Variants in SRRM3 observed in about 807,000 individuals in gnomAD.
SRRM3 encodes serine/arginine repetitive matrix protein 3.
Under a neutral mutation model 66.2 loss-of-function variants are expected in SRRM3, and 27 were observed. That is an observed-to-expected ratio of 0.41 (90% CI 0.30 to 0.56). The LOEUF (loss-of-function observed/expected upper bound fraction) is 0.56. Among genes scored for constraint, SRRM3 ranks in the 20% least tolerant of loss-of-function variants. The pLI is 0.32. For synonymous variants in SRRM3, 391 were observed against 414.9 expected (o/e 0.94, Z 0.70); for missense variants, 918 against 991.9 (o/e 0.93, Z 1.00).
intron 1 of SRRM3, among the ~76,000 whole-genome samples, chr7:76,228,753 C>T (rs1800941992): frequency 6.6e-6 from 1 of 152,024 alleles, no homozygotes; most frequent in African/African-American, 2.4e-5. Context: ...AAATCTGTGT[C>T]TTAACAAGTC....
chr7:76,232,999 C>G (rs537074478), intron 1 of SRRM3, among the ~76,000 whole-genome samples: 3 of 151,552 alleles, frequency 2.0e-5, no homozygotes, highest in Non-Finnish European at 4.4e-5. Flanking sequence ...TAAATGTGAG[C>G]GATGTTGAGA....
At chr7:76,210,656 G>C (rs915132476) in intron 1 of SRRM3, among the ~76,000 whole-genome samples, 1 of 152,154 alleles carries the variant, frequency 6.6e-6, no homozygotes, top group Non-Finnish European at 1.5e-5. Flanking sequence ...CATGAGGATT[G>C]CTTGAGTCCA....
Position 76,286,138 on chromosome 7 carries a change from C to T in SRRM3, c.*295C>T, listed in dbSNP as rs782528615. On this transcript the variant is annotated 3_prime_UTR_variant, in exon 15 of 15. Transcript: ENST00000611745. ...AGGAATCTCCCCATCCCCCTTCCTG[C>T]TGATGCCAACTCACCAGGCTTGGGA... 13 of 495,258 alleles carry T rather than the reference C, an allele frequency of 2.6e-5. No individual in the cohort carries two copies. The highest frequency in any genetic ancestry group is 4.9e-5 in the Non-Finnish European group (13 of 267,496). The allele number at this position is 495,258 out of a possible 1,614,324, so 30.7% of individuals were successfully genotyped here.
chr7:76,258,741 A>G (rs1801781013), intron 3 of SRRM3, among the ~76,000 whole-genome samples: 1 of 140,630 alleles, frequency 7.1e-6, no homozygotes, highest in South Asian at 2.3e-4. Flanking sequence ...AAAGAAAAAG[A>G]AAAAGAAAAA....
chr7:76,217,852 T>G (rs1464947247), intron 1 of SRRM3, among the ~76,000 whole-genome samples: 3 of 152,300 alleles, frequency 2.0e-5, no homozygotes. Context: ...CGGGCCTTTG[T>G]CCACCTTGTG....
At chr7:76,243,215 G>T (rs1801353122) in intron 2 of SRRM3, among the ~76,000 whole-genome samples, 1 of 152,206 alleles carries the variant, frequency 6.6e-6, no homozygotes, top group Non-Finnish European at 1.5e-5. Flanking sequence ...ACTTGCCCAA[G>T]GCCACAGAAC....
At chr7:76,235,338 G>A in intron 2 of SRRM3, 39 bp downstream of exon 2, 1 of 1,434,960 alleles carries the variant, frequency 7.0e-7, no homozygotes. Context: ...TGGGGAGATA[G>A]GCGGGGCGAG....
At chr7:76,217,761 TG>T (rs1217456862) in intron 1 of SRRM3, among the ~76,000 whole-genome samples, 3 of 152,184 alleles carry the variant, frequency 2.0e-5, no homozygotes, top group Non-Finnish European at 4.4e-5. Context: ...GAGGCAGTTC[TG>T]GCCCTTGTTC....
At chr7:76,272,399 A>C (rs75266600) in intron 11 of SRRM3, among the ~76,000 whole-genome samples, 11,387 of 67,164 alleles carry the variant, frequency 0.17, 1,035 homozygotes, top group African/African-American at 0.27. Flanking sequence ...CTATCTCTAC[A>C]AAAAAAAAAT....
chr7:76,208,662 C>T (rs1800358496), intron 1 of SRRM3, among the ~76,000 whole-genome samples: 1 of 151,762 alleles, frequency 6.6e-6, no homozygotes, highest in African/African-American at 2.4e-5. Context: ...TGGAGAAACC[C>T]CATCTCCACT....
chr7:76,206,779 C>T (rs374602273), intron 1 of SRRM3, among the ~76,000 whole-genome samples: 11 of 152,088 alleles, frequency 7.2e-5, no homozygotes, highest in African/African-American at 1.4e-4. Context: ...CCTTCTGCAG[C>T]GCTGCTTCCT....
chr7:76,228,491 G>A (rs1200353724), intron 1 of SRRM3, among the ~76,000 whole-genome samples: 10 of 152,158 alleles, frequency 6.6e-5, no homozygotes, highest in African/African-American at 4.8e-5. Flanking sequence ...TTGGGAGGCC[G>A]AGGCGGGTGG....
intron 2 of SRRM3, among the ~76,000 whole-genome samples, chr7:76,246,851 A>G (rs1168382344): frequency 6.6e-6 from 1 of 152,230 alleles, no homozygotes; most frequent in East Asian, 1.9e-4. Context: ...CCAAGAGTGC[A>G]GCAGTCCTGT....
chr7:76,240,728 A>G (rs1239412653), intron 2 of SRRM3, among the ~76,000 whole-genome samples: 4 of 152,022 alleles, frequency 2.6e-5, no homozygotes, highest in Non-Finnish European at 4.4e-5. Context: ...CAAAGCCACA[A>G]TGCATTTGGC....
intron 2 of SRRM3, 134 bp downstream of exon 2, chr7:76,235,433 G>C (rs758718298): frequency 2.4e-6 from 2 of 821,938 alleles, no homozygotes; most frequent in Middle Eastern, 3.7e-4. Context: ...TATTAGGGCG[G>C]AGTCGGGCGA....
chr7:76,219,547 C>G (rs1363103751), intron 1 of SRRM3, among the ~76,000 whole-genome samples: 1 of 152,198 alleles, frequency 6.6e-6, no homozygotes, highest in Non-Finnish European at 1.5e-5. Flanking sequence ...AATCTTTGCT[C>G]CAGGAACCCA....
intron 8 of SRRM3, among the ~76,000 whole-genome samples, chr7:76,263,120 C>T (rs1318931114): frequency 6.6e-6 from 1 of 152,188 alleles, no homozygotes; most frequent in African/African-American, 2.4e-5. Context: ...GTCCCTACTG[C>T]CCCCAAGTGG....
intron 10 of SRRM3, among the ~76,000 whole-genome samples, chr7:76,266,389 T>G (rs1306582176): frequency 8.8e-6 from 1 of 113,246 alleles, no homozygotes; most frequent in Non-Finnish European, 1.6e-5. Context: ...ATATTTAATA[T>G]ATTTATATAT....
rs1554606369 is a variant in SRRM3, at chr7:76,248,180, C to G, written c.234-8C>G. ...ACCAGCCCCTTCACCCTCTCTGTGC[C>G]CCTGCAGGTATTCGGAGGAGGAGAT... On this transcript the variant is annotated splice_polypyrimidine_tract_variant and splice_region_variant and intron_variant, in intron 2 of 14. Coordinates refer to ENST00000611745, the MANE Select transcript of SRRM3 (RefSeq NM_001110199.3). 6.2e-7 allele frequency: 1 copy of G among 1,610,032 alleles called. No homozygotes were observed. Among genetic ancestry groups the G allele is most frequent in the Non-Finnish European group, 8.5e-7 (1 of 1,177,620 alleles).
Sources: gnomAD v4.1 joint callset for allele counts (sites outside exome capture counted in the v4.1 genomes callset) on GRCh38, gnomAD v4.1.1 for gene constraint, MANE v1.5 for transcripts, NCBI Gene and HGNC (gene_info 2026-07-23, HGNC 2026-07-21) for gene names.